Variants in DTWD2 observed in about 807,000 individuals in gnomAD.
The protein encoded by DTWD2 is tRNA-uridine aminocarboxypropyltransferase 2.
Under a neutral mutation model 31.8 loss-of-function variants are expected in DTWD2, and 39 were observed. The ratio of observed to expected loss-of-function variants is 1.22; its 90% CI spans 0.95 to 1.60. The LOEUF (loss-of-function observed/expected upper bound fraction) is 1.60. Among genes scored for constraint, DTWD2 ranks in the 40% most tolerant of loss-of-function variants. DTWD2 has a pLI of 0.00. For synonymous variants in DTWD2, 180 were observed against 142.8 expected (o/e 1.26, Z -1.86); for missense variants, 515 against 381.5 (o/e 1.35, Z -2.92).
chr5:118,957,584 T>C (rs1286829827), intron 1 of DTWD2, among the ~76,000 whole-genome samples: 1 of 152,036 alleles, frequency 6.6e-6, no homozygotes, highest in African/African-American at 2.4e-5. Flanking sequence ...ATATATAATA[T>C]ATATCTGTTT....
At chr5:118,861,345 T>C (rs1363781995) in intron 4 of DTWD2, among the ~76,000 whole-genome samples, 1 of 152,246 alleles carries the variant, frequency 6.6e-6, no homozygotes, top group Non-Finnish European at 1.5e-5. Flanking sequence ...AATAGTTTCA[T>C]TCTTGGGGCT....
intron 4 of DTWD2, among the ~76,000 whole-genome samples, chr5:118,891,299 A>C (rs557964217): frequency 6.6e-6 from 1 of 152,284 alleles, no homozygotes; most frequent in South Asian, 2.1e-4. Flanking sequence ...CATCACTCAT[A>C]AACAGAGGCA....
chr5:118,932,368 T>C lies in DTWD2; in HGVS notation c.405-3639A>G, dbSNP rs537428332. 5.7e-4 allele frequency among the ~76,000 whole-genome samples: 83 copies of C among 146,592 alleles called. 1 individual carries two copies. Among genetic ancestry groups the C allele is most frequent in the African/African-American group, 1.9e-3 (78 of 40,228 alleles). On this transcript the variant is annotated intron_variant, in intron 3 of 5. Transcript: ENST00000510708. ...TAGAGAAAGACGAGCAATTTAAGCC[T>C]GAAGCAAGCACTATAAAAAGAAAAG... is the stretch of plus-strand genomic sequence containing the variant.
intron 4 of DTWD2, among the ~76,000 whole-genome samples, chr5:118,872,677 CCAT>C (rs1752532613): frequency 1.3e-5 from 2 of 152,138 alleles, no homozygotes; most frequent in Non-Finnish European, 2.9e-5. Context: ...CAGACCACCA[CCAT>C]AACAGAAATA....
rs1231902739 is a variant in DTWD2, at chr5:118,922,367, C to G, written c.597+6170G>C. On this transcript the variant is annotated intron_variant, in intron 4 of 5. Transcript: ENST00000510708. ...ATTCTGATTTTTGTTTCCTTTCTGC[C>G]ATTTTTCTCTCATACATTTAGAGCA... 2.0e-5 allele frequency among the ~76,000 whole-genome samples: 3 copies of G among 152,086 alleles called. No individual in the cohort carries two copies. The East Asian group carries it at 5.8e-4, about 29-fold the overall frequency.
chr5:118,860,594 A>G (rs1752238352), intron 4 of DTWD2, among the ~76,000 whole-genome samples: 2 of 152,132 alleles, frequency 1.3e-5, no homozygotes, highest in African/African-American at 4.8e-5. Flanking sequence ...TTATCAAGTT[A>G]CCCTCAATAG....
intron 1 of DTWD2, among the ~76,000 whole-genome samples, chr5:118,975,644 T>C (rs1755137096): frequency 6.6e-6 from 1 of 152,138 alleles, no homozygotes; most frequent in Non-Finnish European, 1.5e-5. Context: ...TTGTGCTGGT[T>C]TTTCCTCATC....
At chr5:118,976,093 G>A (rs1755150742) in intron 1 of DTWD2, among the ~76,000 whole-genome samples, 1 of 152,116 alleles carries the variant, frequency 6.6e-6, no homozygotes, top group African/African-American at 2.4e-5. Context: ...AATGACTACT[G>A]GGTAAATAAT....
At chr5:118,918,102 G>A (rs1753619495) in intron 4 of DTWD2, among the ~76,000 whole-genome samples, 1 of 152,150 alleles carries the variant, frequency 6.6e-6, no homozygotes, top group Non-Finnish European at 1.5e-5. Context: ...GAGATTTTGG[G>A]TGGGGACACA....
At chr5:118,978,459 A>C (rs1172361640) in intron 1 of DTWD2, among the ~76,000 whole-genome samples, 1 of 152,198 alleles carries the variant, frequency 6.6e-6, no homozygotes, top group Non-Finnish European at 1.5e-5. Flanking sequence ...ATGGGAGAAA[A>C]ACTTGGCAAT....
At chr5:118,892,286 G>A (rs1159643021) in intron 4 of DTWD2, among the ~76,000 whole-genome samples, 8 of 152,004 alleles carry the variant, frequency 5.3e-5, no homozygotes, top group Admixed American at 5.2e-4. Context: ...TTTACAATAA[G>A]ATAATCATGT....
chr5:118,864,631 A>C (rs996998318), intron 4 of DTWD2, among the ~76,000 whole-genome samples: 1 of 144,282 alleles, frequency 6.9e-6, no homozygotes, highest in Non-Finnish European at 1.5e-5. Context: ...TTCTTTTTTT[A>C]TTTTATTTTA....
chr5:118,874,182 A>G (rs773457717), intron 4 of DTWD2, among the ~76,000 whole-genome samples: 60 of 152,202 alleles, frequency 3.9e-4, no homozygotes, highest in Non-Finnish European at 6.9e-4. Flanking sequence ...AACAAGATAA[A>G]AGAAAAAGAA....
chr5:118,899,075 C>A (rs1013993542), intron 4 of DTWD2, among the ~76,000 whole-genome samples: 1 of 152,194 alleles, frequency 6.6e-6, no homozygotes, highest in Non-Finnish European at 1.5e-5. Context: ...TTTCAGCTCT[C>A]ATACTGTAAA....
chr5:118,987,760 C>G (rs188357170), intron 1 of DTWD2, among the ~76,000 whole-genome samples: 1 of 152,176 alleles, frequency 6.6e-6, no homozygotes. Context: ...GCTAGACACA[C>G]TGGGATATAG....
chr5:118,840,311 C>T lies in DTWD2; in HGVS notation c.*606G>A, dbSNP rs1231973280. On this transcript the variant is annotated 3_prime_UTR_variant, in exon 6 of 6. Coordinates refer to ENST00000510708, the MANE Select transcript of DTWD2 (RefSeq NM_173666.4). ...GAGTGATTACAAATGAAAATGTGTG[C>T]TATTTCAAAATTACATGCACCTCTT... The T allele has an allele frequency of 6.6e-6, 1 of 152,030 alleles. No individual in the cohort carries two copies. Among genetic ancestry groups the T allele is most frequent in the Non-Finnish European group, 1.5e-5 (1 of 67,998 alleles). 9.4% of individuals were successfully genotyped at this position (152,030 alleles called of 1,614,324 possible).
At chr5:118,950,414 G>C (rs1035694288) in intron 1 of DTWD2, among the ~76,000 whole-genome samples, 2 of 152,076 alleles carry the variant, frequency 1.3e-5, no homozygotes, top group African/African-American at 4.8e-5. Flanking sequence ...CACTGTAAGA[G>C]TTACCTCAAG....
chr5:118,898,409 G>A (rs1753128886), intron 4 of DTWD2, among the ~76,000 whole-genome samples: 2 of 151,770 alleles, frequency 1.3e-5, no homozygotes, highest in South Asian at 4.1e-4. Context: ...TGTAATCCCA[G>A]CACTTTGGGA....
intron 4 of DTWD2, among the ~76,000 whole-genome samples, chr5:118,910,787 G>A (rs1036828560): frequency 2.0e-5 from 3 of 152,142 alleles, no homozygotes; most frequent in African/African-American, 7.2e-5. Context: ...CACAGTTCGG[G>A]AGCAGAGTCT....
Sources: allele counts gnomAD v4.1 joint callset (sites outside exome capture counted in the v4.1 genomes callset), GRCh38; gene constraint gnomAD v4.1.1; transcripts MANE v1.5; gene names NCBI Gene and HGNC (gene_info 2026-07-23, HGNC 2026-07-21).